SNAPC1: variants seen among roughly 807,000 people sequenced by gnomAD.
The protein encoded by SNAPC1 is snRNA-activating protein complex subunit 1.
SNAPC1 carries 42 observed loss-of-function variants against 50.1 expected under a neutral mutation model. The observed-to-expected ratio is 0.84, with a 90% CI of 0.65 to 1.08. The LOEUF is 1.08. Ranked by LOEUF, SNAPC1 falls within the 50% of genes least tolerant of loss-of-function variation. The probability of loss-of-function intolerance (pLI) is 0.00; values close to 1 mark genes in which losing one functional copy is unlikely to be tolerated. For synonymous variants in SNAPC1, 164 were observed against 144.2 expected, an observed-to-expected ratio of 1.14 and a Z score of -0.98; for missense variants, 477 against 427.3, an observed-to-expected ratio of 1.12 and a Z score of -1.02.
intron 4 of SNAPC1, among the ~76,000 whole-genome samples, chr14:61,774,224 A>G (rs1205887646): frequency 6.9e-6 from 1 of 144,714 alleles, no homozygotes; most frequent in African/African-American, 2.6e-5. Flanking sequence ...TTGGCCTTGA[A>G]TTCCTGGGCT....
intron 3 of SNAPC1, among the ~76,000 whole-genome samples, chr14:61,767,921 A>G (rs1182262110): frequency 6.6e-6 from 1 of 152,178 alleles, no homozygotes; most frequent in African/African-American, 2.4e-5. Flanking sequence ...CTGGGACTAC[A>G]GGCGCCCTCC....
intron 5 of SNAPC1, among the ~76,000 whole-genome samples, chr14:61,776,490 T>G (rs1481005020): frequency 6.6e-6 from 1 of 152,156 alleles, no homozygotes; most frequent in Admixed American, 6.5e-5. Flanking sequence ...GTAAATAATC[T>G]TGTTATACCT....
At chr14:61,774,795 C>T (rs1265268405) in intron 4 of SNAPC1, among the ~76,000 whole-genome samples, 1 of 151,792 alleles carries the variant, frequency 6.6e-6, no homozygotes, top group African/African-American at 2.4e-5. Flanking sequence ...TCCCGAGTAG[C>T]TGGGATTACA....
chr14:61,764,171 C>G (rs1184022283), intron 1 of SNAPC1, among the ~76,000 whole-genome samples: 1 of 152,104 alleles, frequency 6.6e-6, no homozygotes, highest in African/African-American at 2.4e-5. Flanking sequence ...TTATTACTAC[C>G]GTTTTAAAAT....
At chr14:61,792,666 G>A (rs573698977) in intron 8 of SNAPC1, 141 bp from the exon 9 acceptor site, 1 of 437,652 alleles carries the variant, frequency 2.3e-6, no homozygotes, top group East Asian at 4.0e-5. Flanking sequence ...ATTCTAGAAT[G>A]CGTATTTCTG....
intron 8 of SNAPC1, among the ~76,000 whole-genome samples, chr14:61,788,576 A>G (rs963129451): frequency 1.3e-5 from 2 of 152,242 alleles, no homozygotes; most frequent in South Asian, 2.1e-4. Flanking sequence ...CAGTCAGTGC[A>G]TATAGGAAAT....
At chr14:61,774,869 G>A (rs1389231669) in intron 4 of SNAPC1, among the ~76,000 whole-genome samples, 1 of 151,862 alleles carries the variant, frequency 6.6e-6, no homozygotes, top group Non-Finnish European at 1.5e-5. Context: ...CTCCATGTTG[G>A]TCTGGCTGGT....
intron 9 of SNAPC1, 28 bp from the exon 10 acceptor site, chr14:61,794,921 G>T: frequency 6.7e-7 from 1 of 1,502,716 alleles, no homozygotes; most frequent in Non-Finnish European, 9.2e-7. Context: ...TTTTAGATCT[G>T]ACTGACTTTT....
At chr14:61,786,634 A>C (rs921402325) in intron 8 of SNAPC1, among the ~76,000 whole-genome samples, 45 of 152,226 alleles carry the variant, frequency 3.0e-4, no homozygotes, top group African/African-American at 1.0e-3. Flanking sequence ...CCCACAAAGC[A>C]AAACAAAAAT....
intron 7 of SNAPC1, among the ~76,000 whole-genome samples, chr14:61,780,950 A>C (rs562553491): frequency 2.6e-5 from 4 of 152,344 alleles, no homozygotes; most frequent in Admixed American, 2.6e-4. Flanking sequence ...TATTCCTTGA[A>C]TAATATGACA....
At chr14:61,794,689 T>G (rs1247619946) in intron 9 of SNAPC1, among the ~76,000 whole-genome samples, 1 of 152,184 alleles carries the variant, frequency 6.6e-6, no homozygotes, top group Non-Finnish European at 1.5e-5. Flanking sequence ...ATTATAGGCG[T>G]GAGCCACTGC....
rs1022891065 is a variant in SNAPC1, at chr14:61,762,443, G to C, written c.-18G>C. The stretch of plus-strand genomic sequence containing the variant: ...TTAGAGGCGTGCGGGCTTCGGAGGC[G>C]TGCGGGCTTCGGGTGCCATGGGGAC... On this transcript the variant is annotated 5_prime_UTR_variant, in exon 1 of 10. Transcript: ENST00000216294. 4.3e-6 allele frequency: 7 copies of C among 1,610,390 alleles called. No homozygotes were observed. In the East Asian group the frequency reaches 1.1e-4, roughly 26 times the overall value.
intron 7 of SNAPC1, among the ~76,000 whole-genome samples, chr14:61,780,636 T>A (rs1257613247): frequency 1.3e-5 from 2 of 152,232 alleles, no homozygotes; most frequent in African/African-American, 4.8e-5. Flanking sequence ...TGTAGGGTTG[T>A]CTGTTTACTC....
At chr14:61,788,674 TAATG>T (rs751654619) in intron 8 of SNAPC1, among the ~76,000 whole-genome samples, 3 of 152,218 alleles carry the variant, frequency 2.0e-5, no homozygotes, top group Middle Eastern at 3.2e-3. Flanking sequence ...TACCCATTGA[TAATG>T]AAAGTGTGAG....
chr14:61,788,699 C>A (rs1409059057), intron 8 of SNAPC1, among the ~76,000 whole-genome samples: 1 of 152,004 alleles, frequency 6.6e-6, no homozygotes, highest in Non-Finnish European at 1.5e-5. Context: ...GAAATAAAAT[C>A]TCAGTTTAAG....
intron 1 of SNAPC1, among the ~76,000 whole-genome samples, chr14:61,766,230 C>T (rs749087155): frequency 6.6e-6 from 1 of 152,162 alleles, no homozygotes; most frequent in African/African-American, 2.4e-5. Flanking sequence ...TAAGTCATAG[C>T]CTGTTCTTCT....
In SNAPC1 at chr14:61,782,231, G is replaced by A. The variant is rs2140182125; in HGVS notation, c.826-16G>A. 7 of 1,538,740 alleles carry A rather than the reference G, an allele frequency of 4.5e-6. No individual in the cohort carries two copies. The highest frequency in any genetic ancestry group is 6.1e-6 in the Non-Finnish European group (7 of 1,142,832). ...CATTTTATAATTTATTGGTTAATTG[G>A]ATTGTAACTCTTAAGGCATCCAAAT... On this transcript the variant is annotated splice_polypyrimidine_tract_variant and intron_variant, in intron 7 of 9. Coordinates refer to ENST00000216294, the MANE Select transcript of SNAPC1 (RefSeq NM_003082.4).
chr14:61,775,557 C>T (rs1443591962), intron 4 of SNAPC1, among the ~76,000 whole-genome samples: 2 of 151,934 alleles, frequency 1.3e-5, no homozygotes, highest in Admixed American at 6.6e-5. Context: ...CCTGGCCTAC[C>T]CTCTATATCT....
chr14:61,783,309 G>A (rs2045091061), intron 8 of SNAPC1, among the ~76,000 whole-genome samples: 1 of 151,880 alleles, frequency 6.6e-6, no homozygotes, highest in Non-Finnish European at 1.5e-5. Flanking sequence ...GAGATTACAG[G>A]TATGAGCCAC....
Sources: gnomAD v4.1 joint callset for allele counts (sites outside exome capture counted in the v4.1 genomes callset) on GRCh38, gnomAD v4.1.1 for gene constraint, MANE v1.5 for transcripts, NCBI Gene and HGNC (gene_info 2026-07-23, HGNC 2026-07-21) for gene names.